ABLIM3: variants seen among roughly 807,000 people sequenced by gnomAD.
The protein encoded by ABLIM3 is actin binding LIM protein family member 3, also known as actin-binding LIM protein 3.
ABLIM3 carries 61 observed loss-of-function variants against 109.5 expected under a neutral mutation model. The observed-to-expected ratio is 0.56, with a 90% CI of 0.45 to 0.69. The LOEUF (loss-of-function observed/expected upper bound fraction) is 0.69. ABLIM3 is among the 30% of genes least tolerant of loss of function. ABLIM3 has a pLI of 0.00. For missense variants in ABLIM3, 796 were observed against 889.5 expected, an observed-to-expected ratio of 0.89 and a Z score of 1.34; for synonymous variants, 300 against 324.8, an observed-to-expected ratio of 0.92 and a Z score of 0.82.
chr5:149,194,397 G>T (rs375019934), intron 3 of ABLIM3, among the ~76,000 whole-genome samples: 11 of 152,268 alleles, frequency 7.2e-5, no homozygotes, highest in South Asian at 2.1e-4. Flanking sequence ...TACTGTTGAT[G>T]ATATATATCA....
chr5:149,198,518 T>G lies in ABLIM3; in HGVS notation c.335+116T>G. 7.8e-7 allele frequency: 1 copy of G among 1,282,138 alleles called. No homozygotes were observed. Among genetic ancestry groups the G allele is most frequent in the African/African-American group, 1.5e-5 (1 of 66,656 alleles). 79.4% of individuals were successfully genotyped at this position (1,282,138 alleles called of 1,614,324 possible). On this transcript the variant is annotated intron_variant, in intron 4 of 23. Coordinates refer to ENST00000309868, the MANE Select transcript of ABLIM3 (RefSeq NM_014945.5). The surrounding 1 kb of genome is among the most constrained non-coding windows in gnomAD (Gnocchi z 4.2). ...ACAAGGTTTGTGCTGCACATTTAGA[T>G]TTCTGGAACCTCAGGTGTGGAGGGA...
intron 5 of ABLIM3, among the ~76,000 whole-genome samples, chr5:149,202,583 A>G (rs908114481): frequency 2.0e-5 from 3 of 152,234 alleles, no homozygotes; most frequent in Non-Finnish European, 4.4e-5. Context: ...TTGCTAAGAA[A>G]AAGAACATAT....
At chr5:149,202,609 G>A (rs1758593075) in intron 5 of ABLIM3, among the ~76,000 whole-genome samples, 1 of 152,144 alleles carries the variant, frequency 6.6e-6, no homozygotes, top group African/African-American at 2.4e-5. Flanking sequence ...AAAAGGAAAA[G>A]AAGAACAAAA....
intron 7 of ABLIM3, among the ~76,000 whole-genome samples, chr5:149,214,467 A>G (rs890242862): frequency 2.0e-5 from 3 of 152,162 alleles, no homozygotes; most frequent in African/African-American, 7.2e-5. Context: ...TCATTGGACA[A>G]TCTCAGGCCC....
At chr5:149,170,207 T>C (rs1755254362) in intron 2 of ABLIM3, among the ~76,000 whole-genome samples, 1 of 150,258 alleles carries the variant, frequency 6.7e-6, no homozygotes, top group African/African-American at 2.5e-5. Flanking sequence ...ACTTAAATGA[T>C]GCATTCATTC....
intron 2 of ABLIM3, among the ~76,000 whole-genome samples, chr5:149,165,408 A>G (rs768465433): frequency 9.2e-5 from 14 of 152,240 alleles, no homozygotes; most frequent in Non-Finnish European, 1.5e-4. Context: ...TATACATTTT[A>G]TTGGAATACA....
chr5:149,178,631 T>C (rs1324380210), intron 2 of ABLIM3, among the ~76,000 whole-genome samples: 3 of 152,216 alleles, frequency 2.0e-5, no homozygotes, highest in Admixed American at 6.5e-5. Context: ...GGAAAACCCA[T>C]GTGCAGGCAG....
chr5:149,231,991 G>A (rs75600141), intron 9 of ABLIM3, among the ~76,000 whole-genome samples: 6,291 of 152,272 alleles, frequency 0.041, 182 homozygotes, highest in Non-Finnish European at 0.058. Flanking sequence ...AGACAATGTT[G>A]TCTGCACTCT....
At chr5:149,160,884 C>T (rs1225179826) in intron 2 of ABLIM3, among the ~76,000 whole-genome samples, 6 of 152,212 alleles carry the variant, frequency 3.9e-5, no homozygotes, top group Non-Finnish European at 8.8e-5. Context: ...CAGGGCCCTC[C>T]TCATCCCAGG....
chr5:149,170,087 G>A (rs532544387), intron 2 of ABLIM3, among the ~76,000 whole-genome samples: 1 of 152,144 alleles, frequency 6.6e-6, no homozygotes, highest in East Asian at 1.9e-4. Flanking sequence ...CAAGTATTAA[G>A]CCTACTACCC....
chr5:149,216,686 G>A, intron 7 of ABLIM3: 1 of 404,234 alleles, frequency 2.5e-6, no homozygotes, highest in Non-Finnish European at 4.5e-6. Flanking sequence ...AGTTGGACCA[G>A]TGGCCTCTCA....
At position 149,184,784 on chromosome 5, in the gene ABLIM3, C is replaced by T. The variant is rs147738363; in HGVS notation, c.151+1195C>T. ...TCAGTAACTGCCTCAGTCTCATGCA[C>T]CTGAGAGTGACTTCCCCTGCCATTG... On this transcript the variant is annotated intron_variant, in intron 3 of 23. Transcript: ENST00000309868. Among the ~76,000 whole-genome samples, 19 of 152,302 alleles carry T rather than the reference C, an allele frequency of 1.2e-4. 1 individual carries two copies. The East Asian group carries it at 3.7e-3, about 29-fold the overall frequency.
rs114562499 is a variant in ABLIM3 at position 149,156,018 on chromosome 5, G to A, written c.13+13910G>A. Among the ~76,000 whole-genome samples the A allele has an allele frequency of 2.8e-3, 432 of 152,380 alleles. 2 individuals are homozygous for A. Among genetic ancestry groups the A allele is most frequent in the African/African-American group, 0.01 (424 of 41,588 alleles). ...GGAGGCAGTGAGAGGCAGACCTAGT[G>A]CAGCAATGCAGTTGTGAGTGGATGC... On this transcript the variant is annotated intron_variant, in intron 2 of 23. Transcript: ENST00000309868.
chr5:149,234,969 C>T (rs1020428954), intron 10 of ABLIM3, among the ~76,000 whole-genome samples: 19 of 152,148 alleles, frequency 1.2e-4, no homozygotes, highest in Admixed American at 4.6e-4. Flanking sequence ...GAGAAAGATT[C>T]CCAGAATTGC....
chr5:149,166,242 A>G (rs1192723504), intron 2 of ABLIM3, among the ~76,000 whole-genome samples: 6 of 152,112 alleles, frequency 3.9e-5, no homozygotes, highest in Non-Finnish European at 7.4e-5. Context: ...TCTTATCCCA[A>G]CTGATGTCAC....
At chr5:149,179,383 G>A (rs946239918) in intron 2 of ABLIM3, among the ~76,000 whole-genome samples, 4 of 152,040 alleles carry the variant, frequency 2.6e-5, no homozygotes, top group East Asian at 3.9e-4. Flanking sequence ...TTTTATTCTC[G>A]GAAAGATTAG....
rs1753196136 is a variant in ABLIM3, at chr5:149,244,880, G to A, written c.1352-1G>A. 2 of 1,614,072 alleles carry A rather than the reference G, an allele frequency of 1.2e-6. No individual in the cohort carries two copies. Among genetic ancestry groups the A allele is most frequent in the Non-Finnish European group, 8.5e-7 (1 of 1,180,032 alleles). On this transcript the variant is annotated splice_acceptor_variant, in intron 15 of 23. Coordinates refer to ENST00000309868, the MANE Select transcript of ABLIM3 (RefSeq NM_014945.5). LOFTEE classifies it high-confidence loss of function. ...AAGTGCTCTCCTTGGGTCCTCTGCA[G>A]GTGATTTGTCTACAGCAACCAAGAG...
In ABLIM3 at chr5:149,239,230, A is replaced by G; in HGVS notation, c.1045-18A>G. ...TTCTGCTCGTTCCACAACTGCCTTC[A>G]AACTCTTCACTTCTAAGTCGCTGGG... On this transcript the variant is annotated intron_variant, in intron 11 of 23. Transcript: ENST00000309868. 1 of 1,613,898 alleles carries G rather than the reference A, an allele frequency of 6.2e-7. No individual in the cohort carries two copies. The highest frequency in any genetic ancestry group is 8.5e-7 in the Non-Finnish European group (1 of 1,179,832).
intron 2 of ABLIM3, chr5:149,174,723 C>T (rs1233545661): frequency 6.6e-6 from 1 of 152,218 alleles, no homozygotes; most frequent in East Asian, 1.9e-4. Context: ...GGAACACCCT[C>T]TGGAAAGAGA....
Sources: gnomAD v4.1 joint callset for allele counts (sites outside exome capture counted in the v4.1 genomes callset) on GRCh38, gnomAD v4.1.1 for gene constraint, Gnocchi (gnomAD v3.1) non-coding constraint, MANE v1.5 for transcripts, NCBI Gene and HGNC (gene_info 2026-07-23, HGNC 2026-07-21) for gene names.